The following WDR72 variants were observed in gnomAD, a reference collection of about 807,000 sequenced individuals.
The protein encoded by WDR72 is WD repeat-containing protein 72.
Under a neutral mutation model 124.2 loss-of-function variants are expected in WDR72, and 120 were observed. The observed-to-expected ratio is 0.97, with a 90% CI of 0.83 to 1.12. WDR72 has a LOEUF of 1.12. WDR72 is among the 50% of genes most tolerant of loss of function. WDR72 has a pLI of 0.00. For missense variants in WDR72, 1,387 were observed against 1,278.8 expected (o/e 1.08, Z -1.29); for synonymous variants, 452 against 441.7 (o/e 1.02, Z -0.29).
chr15:53,746,842 G>T (rs1369706486), intron 1 of WDR72, among the ~76,000 whole-genome samples: 3 of 152,156 alleles, frequency 2.0e-5, no homozygotes, highest in Admixed American at 6.5e-5. Context: ...TTTATTAAAT[G>T]TATTATAAAT....
intron 18 of WDR72, among the ~76,000 whole-genome samples, chr15:53,563,385 T>C (rs1297400945): frequency 4.0e-5 from 6 of 151,844 alleles, no homozygotes; most frequent in Non-Finnish European, 7.4e-5. Context: ...TTCAGTGACA[T>C]GTACTTCATT....
intron 1 of WDR72, among the ~76,000 whole-genome samples, chr15:53,753,752 G>A (rs2018829940): frequency 6.6e-6 from 1 of 152,160 alleles, no homozygotes; most frequent in Non-Finnish European, 1.5e-5. Context: ...AAGGCACAGT[G>A]TTGTATACTC....
intron 1 of WDR72, among the ~76,000 whole-genome samples, chr15:53,739,272 C>T (rs916132247): frequency 2.0e-5 from 3 of 151,990 alleles, no homozygotes; most frequent in Non-Finnish European, 4.4e-5. Flanking sequence ...ATCAAAAAGC[C>T]CACAAAACCT....
intron 18 of WDR72, among the ~76,000 whole-genome samples, chr15:53,566,500 G>A (rs925680967): frequency 2.0e-5 from 3 of 151,944 alleles, no homozygotes; most frequent in Non-Finnish European, 4.4e-5. Flanking sequence ...TTGAGTTTGA[G>A]GTGACAGTGG....
At chr15:53,683,253 C>T (rs1019122936) in intron 13 of WDR72, among the ~76,000 whole-genome samples, 11 of 151,972 alleles carry the variant, frequency 7.2e-5, no homozygotes, top group South Asian at 2.1e-4. Flanking sequence ...ACTTAGAAGG[C>T]GTAAGTTCTG....
intron 16 of WDR72, among the ~76,000 whole-genome samples, chr15:53,611,850 T>A (rs117235942): frequency 6.6e-6 from 1 of 152,052 alleles, no homozygotes; most frequent in Non-Finnish European, 1.5e-5. Context: ...TGGAACAAAC[T>A]AAGCACAAGT....
intron 1 of WDR72, among the ~76,000 whole-genome samples, chr15:53,752,030 A>C (rs1467219860): frequency 1.3e-5 from 2 of 152,228 alleles, no homozygotes; most frequent in Non-Finnish European, 1.5e-5. Flanking sequence ...AATCCTGCTA[A>C]GTAAACAATA....
chr15:53,515,946 T>C lies in WDR72; in HGVS notation c.*1753A>G, dbSNP rs1595718874. ...CCTCATTTGAGAGGACATACACTTA[T>C]TTGATATTGCCATCCTTCAAAATGC... On this transcript the variant is annotated 3_prime_UTR_variant, in exon 20 of 20. Transcript: ENST00000360509. 1.3e-5 allele frequency: 2 copies of C among 152,136 alleles called. No individual in the cohort carries two copies. The highest frequency in any genetic ancestry group is 3.9e-4 in the East Asian group (2 of 5,188). The allele number at this position is 152,136 out of a possible 1,614,324, so 9.4% of individuals were successfully genotyped here.
intron 3 of WDR72, among the ~76,000 whole-genome samples, chr15:53,717,983 G>C (rs972142701): frequency 6.6e-6 from 1 of 152,040 alleles, no homozygotes; most frequent in African/African-American, 2.4e-5. Context: ...ATATCTCAAA[G>C]GGAAACAAAC....
intron 19 of WDR72, 140 bp from the exon 20 acceptor site, chr15:53,517,894 A>C (rs1891551669): frequency 1.3e-6 from 1 of 757,358 alleles, no homozygotes; most frequent in African/African-American, 1.8e-5. Context: ...GAAAAAAAGA[A>C]AGAAAGGAAG....
At chr15:53,609,416 G>T in intron 17 of WDR72, 97 bp downstream of exon 17, 1 of 1,066,980 alleles carries the variant, frequency 9.4e-7, no homozygotes, top group Non-Finnish European at 1.4e-6. Flanking sequence ...ATGAGGACAA[G>T]AGTAACTGCT....
At chr15:53,588,695 G>A (rs1269752765) in intron 18 of WDR72, among the ~76,000 whole-genome samples, 1 of 151,978 alleles carries the variant, frequency 6.6e-6, no homozygotes, top group East Asian at 1.9e-4. Flanking sequence ...AGAAGACAAA[G>A]CTCTCTAAAT....
At chr15:53,762,437 T>C (rs879735358), upstream of WDR72, among the ~76,000 whole-genome samples, 41 of 152,336 alleles carry the variant, frequency 2.7e-4, no homozygotes, top group Non-Finnish European at 5.0e-4. Flanking sequence ...CCTGCTTGAC[T>C]GTAAGCTCTG....
intron 17 of WDR72, among the ~76,000 whole-genome samples, chr15:53,604,218 C>A (rs1176647741): frequency 2.6e-5 from 4 of 152,124 alleles, no homozygotes; most frequent in African/African-American, 7.2e-5. Flanking sequence ...CTGACAAAAA[C>A]AAGCAATAGG....
chr15:53,665,429 C>G, intron 14 of WDR72, 143 bp downstream of exon 14: 2 of 891,406 alleles, frequency 2.2e-6, no homozygotes, highest in South Asian at 3.1e-5. Context: ...TATACTGATT[C>G]ACCCAAGATT....
intron 18 of WDR72, among the ~76,000 whole-genome samples, chr15:53,536,145 T>A (rs1892748643): frequency 6.6e-6 from 1 of 152,120 alleles, no homozygotes; most frequent in Admixed American, 6.6e-5. Context: ...CGTGTCTGCT[T>A]TTCTGCTGGC....
intron 17 of WDR72, among the ~76,000 whole-genome samples, chr15:53,600,648 G>A (rs1257986209): frequency 6.6e-6 from 1 of 152,130 alleles, no homozygotes; most frequent in Admixed American, 6.6e-5. Context: ...TCATGAAGAT[G>A]CATAAGAACC....
intron 14 of WDR72, among the ~76,000 whole-genome samples, chr15:53,639,437 A>T (rs1389067367): frequency 7.1e-6 from 1 of 141,122 alleles, no homozygotes; most frequent in East Asian, 2.3e-4. Flanking sequence ...ACATAGCAAG[A>T]CCTCGTCTCT....
upstream of WDR72, among the ~76,000 whole-genome samples, chr15:53,760,890 G>A (rs1010986380): frequency 5.3e-5 from 8 of 152,162 alleles, no homozygotes; most frequent in African/African-American, 1.7e-4. Context: ...TTGAGAGGGC[G>A]AGGTGGGCAA....
Sources: gnomAD v4.1 joint callset for allele counts (sites outside exome capture counted in the v4.1 genomes callset) on GRCh38, gnomAD v4.1.1 for gene constraint, MANE v1.5 for transcripts, NCBI Gene and HGNC (gene_info 2026-07-23, HGNC 2026-07-21) for gene names.